The following KLHL13 variants were observed in gnomAD, a reference collection of about 807,000 sequenced individuals.
The protein encoded by KLHL13 is kelch like family member 13.
KLHL13 carries 10 observed loss-of-function variants against 37.1 expected under a neutral mutation model. That is an observed-to-expected ratio of 0.27 (90% CI 0.17 to 0.46). The LOEUF is 0.46. Ranked by LOEUF, KLHL13 falls within the 20% of genes least tolerant of loss-of-function variation. The pLI is 1.00. For missense variants in KLHL13, 360 were observed against 509.3 expected, an observed-to-expected ratio of 0.71 and a Z score of 2.82; for synonymous variants, 163 against 181.2, an observed-to-expected ratio of 0.90 and a Z score of 0.81.
intron 1 of KLHL13, among the ~76,000 whole-genome samples, chrX:118,019,224 C>T (rs947048656): frequency 1.8e-5 from 2 of 111,567 alleles, no homozygotes; most frequent in Non-Finnish European, 3.8e-5. Context: ...ACTCCTGCCC[C>T]TGTGTTTCTA....
At chrX:118,034,304 C>T (rs28854198) in intron 1 of KLHL13, among the ~76,000 whole-genome samples, 4 of 102,631 alleles carry the variant, frequency 3.9e-5, no homozygotes, top group Admixed American at 1.0e-4. Flanking sequence ...TTCAGCACCA[C>T]ACCACACCTA....
intron 5 of KLHL13, among the ~76,000 whole-genome samples, chrX:117,903,176 GAGCGA>G: frequency 1.0e-5 from 1 of 96,611 alleles, no homozygotes; most frequent in African/African-American, 4.6e-5. Context: ...AGAGAGAGGA[GAGCGA>G]GAGAGAGAGA....
At chrX:118,071,292 A>G (rs924708183) in intron 1 of KLHL13, among the ~76,000 whole-genome samples, 4 of 111,635 alleles carry the variant, frequency 3.6e-5, no homozygotes, top group African/African-American at 9.8e-5. Flanking sequence ...TGGCTAGGTC[A>G]AATGGTATTT....
chrX:118,003,951 G>C (rs2053953197), intron 1 of KLHL13, among the ~76,000 whole-genome samples: 1 of 110,850 alleles, frequency 9.0e-6, no homozygotes, highest in African/African-American at 3.3e-5. Flanking sequence ...TACATCAATG[G>C]TGGACTGATG....
chrX:118,001,040 G>A (rs758965077), intron 1 of KLHL13, among the ~76,000 whole-genome samples: 16 of 112,081 alleles, frequency 1.4e-4, no homozygotes, highest in African/African-American at 4.5e-4. Context: ...AGCAAAAAGT[G>A]TAAAGAACAA....
intron 1 of KLHL13, among the ~76,000 whole-genome samples, chrX:118,006,284 C>T (rs1569288588): frequency 9.0e-6 from 1 of 111,118 alleles, no homozygotes; most frequent in African/African-American, 3.3e-5. Flanking sequence ...GAAAGTCTAA[C>T]AGAATGTATT....
intron 1 of KLHL13, among the ~76,000 whole-genome samples, chrX:118,040,353 A>G (rs2054494046): frequency 9.0e-6 from 1 of 111,480 alleles, no homozygotes; most frequent in Non-Finnish European, 1.9e-5. Context: ...AACCTCAATG[A>G]AATTAAAGAT....
chrX:118,083,577 C>T (rs778904481), intron 1 of KLHL13, among the ~76,000 whole-genome samples: 1 of 110,825 alleles, frequency 9.0e-6, no homozygotes, highest in South Asian at 3.8e-4. Flanking sequence ...AGAGGCTGGG[C>T]GAGAGTGGGG....
intron 1 of KLHL13, among the ~76,000 whole-genome samples, chrX:118,039,666 A>G (rs1015279855): frequency 2.7e-5 from 3 of 111,704 alleles, no homozygotes; most frequent in African/African-American, 9.8e-5. Context: ...AGAACTCACC[A>G]TGCTGAAGGG....
At chrX:117,936,219 T>C (rs938277724) in intron 2 of KLHL13, among the ~76,000 whole-genome samples, 1 of 111,968 alleles carries the variant, frequency 8.9e-6, no homozygotes, top group Admixed American at 9.5e-5. Flanking sequence ...CAATCACTAC[T>C]TAAGCTAACC....
intron 1 of KLHL13, among the ~76,000 whole-genome samples, chrX:118,038,325 T>C (rs1193612207): frequency 1.8e-5 from 2 of 112,137 alleles, no homozygotes; most frequent in Admixed American, 9.5e-5. Context: ...AAAAAGAACT[T>C]TCATAACAAC....
At chrX:117,920,164 G>C in intron 3 of KLHL13, 74 bp downstream of exon 4, 1 of 1,056,671 alleles carries the variant, frequency 9.5e-7, no homozygotes, top group Non-Finnish European at 1.3e-6. Context: ...TTTCATGTTA[G>C]AAATAAAAAA....
At chrX:117,901,859 A>G (rs1249581004) in exon 6 of KLHL13, 1 of 1,175,332 alleles carries the variant, frequency 8.5e-7, no homozygotes, top group Non-Finnish European at 1.2e-6. Context: ...TCCTCCATAC[A>G]CAGTTCCAGC....
intron 2 of KLHL13, among the ~76,000 whole-genome samples, chrX:117,935,493 A>AT (rs1326227115): frequency 8.9e-6 from 1 of 112,191 alleles, no homozygotes; most frequent in Non-Finnish European, 1.9e-5. Context: ...GGAACTGGTC[A>AT]TTTACAAAGA....
At chrX:118,072,607 C>G (rs1231065188) in intron 1 of KLHL13, among the ~76,000 whole-genome samples, 1 of 111,417 alleles carries the variant, frequency 9.0e-6, no homozygotes, top group Non-Finnish European at 1.9e-5. Context: ...TATCCAGAAT[C>G]TACAATGAAC....
intron 1 of KLHL13, among the ~76,000 whole-genome samples, chrX:117,950,797 T>C (rs1933553886): frequency 8.9e-6 from 1 of 112,547 alleles, no homozygotes; most frequent in South Asian, 3.7e-4. Flanking sequence ...TCCATCCATT[T>C]GTTTTTCTGC....
At chrX:117,912,602 A>C (rs1225186287) in intron 4 of KLHL13, among the ~76,000 whole-genome samples, 1 of 112,424 alleles carries the variant, frequency 8.9e-6, no homozygotes, top group Non-Finnish European at 1.9e-5. Flanking sequence ...GACACACAAG[A>C]CTAGAAAAGA....
At chrX:117,902,075 T>C (rs1482030885) in intron 5 of KLHL13, 129 bp from the exon 7 acceptor site, 1 of 397,836 alleles carries the variant, frequency 2.5e-6, no homozygotes, top group Non-Finnish European at 4.4e-6. Flanking sequence ...ATGATAGATA[T>C]GTGTAAGACT....
intron 2 of KLHL13, among the ~76,000 whole-genome samples, chrX:117,938,345 G>C (rs769971086): frequency 1.8e-5 from 2 of 110,800 alleles, no homozygotes; most frequent in African/African-American, 3.3e-5. Flanking sequence ...TATATAGGGA[G>C]AAAAGAAAAG....
Sources: allele counts gnomAD v4.1 joint callset (sites outside exome capture counted in the v4.1 genomes callset), GRCh38; gene constraint gnomAD v4.1.1; transcripts MANE v1.5; gene names NCBI Gene and HGNC (gene_info 2026-07-23, HGNC 2026-07-21).